SNX29: variants seen among roughly 807,000 people sequenced by gnomAD.
SNX29 encodes sorting nexin 29, also known as sorting nexin-29.
Under a neutral mutation model 102.1 loss-of-function variants are expected in SNX29, and 78 were observed. The observed-to-expected ratio is 0.76, with a 90% CI of 0.64 to 0.92. The LOEUF is 0.92. Ranked by LOEUF, SNX29 falls within the 40% of genes least tolerant of loss-of-function variation. The probability of loss-of-function intolerance (pLI) is 0.00; values close to 1 mark genes in which losing one functional copy is unlikely to be tolerated. For missense variants in SNX29, 1,280 were observed against 1,061.7 expected, an observed-to-expected ratio of 1.21 and a Z score of -2.86; for synonymous variants, 580 against 414.5, an observed-to-expected ratio of 1.40 and a Z score of -4.85.
intron 15 of SNX29, among the ~76,000 whole-genome samples, chr16:12,313,435 G>A (rs1236559521): frequency 3.9e-5 from 6 of 152,154 alleles, no homozygotes; most frequent in Non-Finnish European, 8.8e-5. Flanking sequence ...ATCACCCCAG[G>A]GCCTTTATAC....
At chr16:12,272,090 C>G (rs946268724) in intron 14 of SNX29, among the ~76,000 whole-genome samples, 4 of 152,324 alleles carry the variant, frequency 2.6e-5, no homozygotes, top group Middle Eastern at 6.8e-3. Context: ...TGGCTAGTTG[C>G]TGAGAGAACT....
intron 20 of SNX29, among the ~76,000 whole-genome samples, chr16:12,564,042 A>C (rs4780450): frequency 1.3e-5 from 2 of 152,064 alleles, no homozygotes. Flanking sequence ...GCACCGGTAA[A>C]AGGTTGTGGT....
At chr16:12,413,430 C>T (rs757606225) in intron 18 of SNX29, among the ~76,000 whole-genome samples, 4 of 151,698 alleles carry the variant, frequency 2.6e-5, no homozygotes, top group African/African-American at 7.3e-5. Flanking sequence ...CCTGACTTAC[C>T]GAATGGCAGC....
intron 18 of SNX29, among the ~76,000 whole-genome samples, chr16:12,421,892 C>T (rs111339335): frequency 0.025 from 3,605 of 145,574 alleles, 152 homozygotes; most frequent in African/African-American, 0.084. Context: ...CATCACCAGC[C>T]GTCCATCACC....
chr16:11,996,388 C>T lies in SNX29; in HGVS notation c.8-2909C>T, dbSNP rs145182877. Among the ~76,000 whole-genome samples, 32 of 152,080 alleles carry T rather than the reference C, an allele frequency of 2.1e-4. No individual in the cohort carries two copies. In the East Asian group the frequency reaches 5.2e-3, roughly 25 times the overall value. On this transcript the variant is annotated intron_variant, in intron 1 of 20. Transcript: ENST00000566228. ...ATAGAGATCCTGTCTCAGAAAAAAA[C>T]GCCAAAAAATAAATTGCTGCTTTTT... is the stretch of plus-strand genomic sequence containing the variant.
chr16:12,405,880 A>G (rs944176092), intron 18 of SNX29, among the ~76,000 whole-genome samples: 2 of 152,060 alleles, frequency 1.3e-5, no homozygotes, highest in African/African-American at 4.8e-5. Context: ...CTAAAAATAC[A>G]AATTAGCCAG....
intron 11 of SNX29, among the ~76,000 whole-genome samples, chr16:12,122,345 C>G (rs1237822236): frequency 6.6e-6 from 1 of 152,114 alleles, no homozygotes; most frequent in Non-Finnish European, 1.5e-5. Flanking sequence ...CTTGGTCTCA[C>G]TGATTACAAG....
At chr16:12,236,881 T>C (rs1457320027) in intron 14 of SNX29, among the ~76,000 whole-genome samples, 1 of 152,212 alleles carries the variant, frequency 6.6e-6, no homozygotes, top group Non-Finnish European at 1.5e-5. Context: ...CCTTGGGAAC[T>C]GTGCTTGACA....
chr16:12,314,824 C>T (rs762520213), intron 15 of SNX29, among the ~76,000 whole-genome samples: 1 of 152,210 alleles, frequency 6.6e-6, no homozygotes, highest in Non-Finnish European at 1.5e-5. Flanking sequence ...TAAAAGCCAT[C>T]ATGTCCTTGC....
intron 20 of SNX29, among the ~76,000 whole-genome samples, chr16:12,560,177 A>C (rs1207446155): frequency 2.6e-5 from 3 of 117,114 alleles, no homozygotes; most frequent in African/African-American, 7.1e-5. Flanking sequence ...ACTTTTTTTT[A>C]ATTCACCATT....
intron 13 of SNX29, among the ~76,000 whole-genome samples, chr16:12,163,082 A>G (rs1315258839): frequency 1.3e-5 from 2 of 152,138 alleles, no homozygotes; most frequent in African/African-American, 4.8e-5. Context: ...GGGTTTCACC[A>G]TGTTGGCCAG....
chr16:12,390,179 TGTA>T (rs1178054874), intron 16 of SNX29, among the ~76,000 whole-genome samples: 5 of 147,064 alleles, frequency 3.4e-5, no homozygotes, highest in African/African-American at 1.3e-4. Flanking sequence ...TGTGTGTGTG[TGTA>T]TGTATATGTA....
intron 13 of SNX29, among the ~76,000 whole-genome samples, chr16:12,189,259 C>G (rs1211513236): frequency 2.0e-5 from 3 of 152,240 alleles, no homozygotes; most frequent in African/African-American, 4.8e-5. Flanking sequence ...TTATGCTCAA[C>G]TTTAACCAGT....
chr16:12,571,731 T>G lies in SNX29; in HGVS notation c.*3102T>G. On this transcript the variant is annotated 3_prime_UTR_variant, in exon 21 of 21. Transcript: ENST00000566228. ...CTAAGGGAGGGAGCTTAAAGGCTGC[T>G]AGAAACCTAGCCCAACCATCCACTC... 7 of 1,043,126 alleles carry G rather than the reference T, an allele frequency of 6.7e-6. No individual in the cohort carries two copies. The highest frequency in any genetic ancestry group is 8.1e-6 in the Non-Finnish European group (7 of 860,258). The allele number at this position is 1,043,126 out of a possible 1,614,324, so 64.6% of individuals were successfully genotyped here. A position where few individuals can be genotyped will look rare whatever the true frequency, so the allele number is the denominator to read the frequency against.
chr16:12,397,233 C>CGTTA (rs2083755962), intron 16 of SNX29, among the ~76,000 whole-genome samples: 1 of 152,224 alleles, frequency 6.6e-6, no homozygotes, highest in Admixed American at 6.5e-5. Flanking sequence ...TGTGTCCTAA[C>CGTTA]CTTCAAGTTT....
chr16:12,276,371 T>G (rs1239547529), intron 14 of SNX29, among the ~76,000 whole-genome samples: 1 of 152,212 alleles, frequency 6.6e-6, no homozygotes, highest in Non-Finnish European at 1.5e-5. Context: ...TCTGCGTGTT[T>G]CCTGCTGTCA....
intron 18 of SNX29, among the ~76,000 whole-genome samples, chr16:12,447,817 CAGAG>C (rs1297522479): frequency 4.6e-5 from 7 of 152,226 alleles, no homozygotes; most frequent in Non-Finnish European, 8.8e-5. Flanking sequence ...CCCCACCACT[CAGAG>C]AGCCCTCTCT....
intron 4 of SNX29, among the ~76,000 whole-genome samples, chr16:12,030,740 C>T (rs1445947730): frequency 2.0e-5 from 3 of 152,176 alleles, no homozygotes; most frequent in South Asian, 2.1e-4. Context: ...CTTGTAGAAT[C>T]GGGACAAAGT....
At position 12,573,486 on chromosome 16, in the gene SNX29, T is replaced by C. The variant is rs2079229826; in HGVS notation, c.*4857T>C. On this transcript the variant is annotated 3_prime_UTR_variant, in exon 21 of 21. Coordinates refer to ENST00000566228, the MANE Select transcript of SNX29 (RefSeq NM_032167.5). ...GAGCAGCGCTGCTGGCGGAAGATTC[T>C]AGATTCACTGGTGGTTTAAGAGGCC... is the stretch of plus-strand genomic sequence containing the variant. The C allele has an allele frequency of 4.5e-6, 1 of 224,322 alleles. No individual in the cohort carries two copies. The allele number at this position is 224,322 out of a possible 1,614,324, so 13.9% of individuals were successfully genotyped here.
Sources: allele counts gnomAD v4.1 joint callset (sites outside exome capture counted in the v4.1 genomes callset), GRCh38; gene constraint gnomAD v4.1.1; transcripts MANE v1.5; gene names NCBI Gene and HGNC (gene_info 2026-07-23, HGNC 2026-07-21).